DTNB: variants seen among roughly 807,000 people sequenced by gnomAD.
The protein encoded by DTNB is DTN-B.
In DTNB, 63 loss-of-function variants were observed where a neutral mutation model predicts 90.7. That is an observed-to-expected ratio of 0.69 (90% CI 0.57 to 0.86). The LOEUF (loss-of-function observed/expected upper bound fraction) is 0.86, where lower values mean the gene tolerates loss of function less well. Among genes scored for constraint, DTNB ranks in the 40% least tolerant of loss-of-function variants. DTNB has a pLI of 0.00. For synonymous variants in DTNB, 277 were observed against 286.7 expected, an observed-to-expected ratio of 0.97 and a Z score of 0.34; for missense variants, 744 against 807.1, an observed-to-expected ratio of 0.92 and a Z score of 0.95.
intron 7 of DTNB, among the ~76,000 whole-genome samples, chr2:25,578,878 A>C (rs561507489): frequency 5.9e-5 from 9 of 152,288 alleles, no homozygotes; most frequent in South Asian, 2.1e-4. Flanking sequence ...CCAAAAAAAA[A>C]CCATAAATAC....
At chr2:25,611,253 A>C (rs2068544923) in intron 4 of DTNB, among the ~76,000 whole-genome samples, 1 of 152,232 alleles carries the variant, frequency 6.6e-6, no homozygotes, top group South Asian at 2.1e-4. Flanking sequence ...TCTATATTTT[A>C]AACTATTCGA....
chr2:25,570,910 T>A (rs750073672), intron 8 of DTNB, among the ~76,000 whole-genome samples: 1 of 152,194 alleles, frequency 6.6e-6, no homozygotes, highest in Non-Finnish European at 1.5e-5. Flanking sequence ...CAGACTTCTC[T>A]CTTAAACTCT....
At chr2:25,460,739 A>G (rs908816351) in intron 10 of DTNB, among the ~76,000 whole-genome samples, 1 of 152,170 alleles carries the variant, frequency 6.6e-6, no homozygotes, top group Non-Finnish European at 1.5e-5. Flanking sequence ...TTTTGGCAAA[A>G]TAACAGGAGG....
intron 16 of DTNB, among the ~76,000 whole-genome samples, chr2:25,401,351 C>T (rs548624771): frequency 1.3e-5 from 2 of 152,342 alleles, no homozygotes; most frequent in Admixed American, 1.3e-4. Context: ...AAAACAATCT[C>T]TTGTTGGAGC....
intron 1 of DTNB, among the ~76,000 whole-genome samples, chr2:25,660,952 A>C (rs2083062711): frequency 6.6e-6 from 1 of 152,232 alleles, no homozygotes; most frequent in Admixed American, 6.5e-5. Context: ...CAATCTCTCC[A>C]ACACTAGATC....
At chr2:25,534,044 A>G (rs980049575) in intron 8 of DTNB, among the ~76,000 whole-genome samples, 3 of 149,016 alleles carry the variant, frequency 2.0e-5, no homozygotes, top group Non-Finnish European at 3.0e-5. Flanking sequence ...GGTGTTTCTC[A>G]GAGAGGGGGA....
intron 10 of DTNB, among the ~76,000 whole-genome samples, chr2:25,461,538 T>C (rs1033229110): frequency 6.6e-6 from 1 of 152,214 alleles, no homozygotes; most frequent in Non-Finnish European, 1.5e-5. Flanking sequence ...ACAATTCAGA[T>C]TTTTTTCCTA....
intron 9 of DTNB, among the ~76,000 whole-genome samples, chr2:25,509,725 G>T (rs1181357799): frequency 7.0e-6 from 1 of 143,112 alleles, no homozygotes; most frequent in Admixed American, 6.9e-5. Flanking sequence ...ATGTGTGTAG[G>T]TATGAATTTT....
At chr2:25,467,492 T>C (rs2062017014) in intron 10 of DTNB, among the ~76,000 whole-genome samples, 1 of 151,950 alleles carries the variant, frequency 6.6e-6, no homozygotes, top group Admixed American at 6.6e-5. Context: ...TTTGTAAATA[T>C]GTGGTCTTGC....
chr2:25,448,221 C>T (rs1183094731), intron 12 of DTNB, among the ~76,000 whole-genome samples: 1 of 152,166 alleles, frequency 6.6e-6, no homozygotes, highest in Non-Finnish European at 1.5e-5. Context: ...TAATGTTTGT[C>T]TCTGTCACTA....
chr2:25,393,701 C>A (rs193075691), intron 16 of DTNB, among the ~76,000 whole-genome samples: 1 of 151,974 alleles, frequency 6.6e-6, no homozygotes, highest in East Asian at 1.9e-4. Context: ...ATATGAAAGA[C>A]CTCTATAAGG....
At chr2:25,498,029 T>C (rs2069398779) in intron 9 of DTNB, among the ~76,000 whole-genome samples, 2 of 152,116 alleles carry the variant, frequency 1.3e-5, no homozygotes, top group Non-Finnish European at 2.9e-5. Flanking sequence ...ACAAAACTCT[T>C]TGTCTGTGCA....
At chr2:25,391,910 C>T (rs569017726) in intron 16 of DTNB, among the ~76,000 whole-genome samples, 15 of 152,100 alleles carry the variant, frequency 9.9e-5, no homozygotes, top group African/African-American at 2.9e-4. Context: ...CTTTGGGATA[C>T]GGAAAAAGTG....
At position 25,388,255 on chromosome 2, in the gene DTNB, G is replaced by A. The variant is rs764358672; in HGVS notation, c.1682C>T (p.Pro561Leu). The A allele has an allele frequency of 2.1e-5, 34 of 1,607,904 alleles. No homozygotes were observed. Among genetic ancestry groups the A allele is most frequent in the South Asian group, 1.9e-4 (17 of 89,812 alleles). Reference protein sequence around the residue: ...TSAGSTPTHCPQDSLSGVGGD... With the variant: ...TSAGSTPTHCLQDSLSGVGGD... ...CCCGACTCCGCTCAGCGAGTCCTGC[G>A]GACAGTGGGTGGGGGTGGAGCCGGC... Residue 561 changes from proline (P) to leucine (L), a missense_variant, in exon 17 of 21, where the codon CCG becomes CTG. Coordinates refer to ENST00000406818, the MANE Select transcript of DTNB (RefSeq NM_021907.5).
At chr2:25,504,181 T>C (rs1341422706) in intron 9 of DTNB, among the ~76,000 whole-genome samples, 1 of 151,890 alleles carries the variant, frequency 6.6e-6, no homozygotes, top group African/African-American at 2.4e-5. Context: ...AGCACAAGAA[T>C]TGCTTGAACC....
chr2:25,566,761 G>A (rs904920667), intron 8 of DTNB, among the ~76,000 whole-genome samples: 7 of 152,206 alleles, frequency 4.6e-5, no homozygotes, highest in African/African-American at 7.2e-5. Context: ...GGGAAGTGGC[G>A]TTCTTCCAGG....
chr2:25,525,208 A>G (rs1235633959), intron 9 of DTNB, among the ~76,000 whole-genome samples: 1 of 152,252 alleles, frequency 6.6e-6, no homozygotes, highest in African/African-American at 2.4e-5. Flanking sequence ...ATAAATATCT[A>G]ATAAAAGTAG....
chr2:25,506,571 C>T (rs1004698483), intron 9 of DTNB, among the ~76,000 whole-genome samples: 17 of 152,064 alleles, frequency 1.1e-4, no homozygotes, highest in African/African-American at 4.1e-4. Context: ...CTCTATGTGT[C>T]CATGTGTTCT....
At chr2:25,635,780 AAG>A (rs759755806) in intron 3 of DTNB, among the ~76,000 whole-genome samples, 2 of 152,230 alleles carry the variant, frequency 1.3e-5, no homozygotes, top group Non-Finnish European at 2.9e-5. Flanking sequence ...TTAAAAAGAC[AAG>A]ACTGTCCCAG....
Sources: allele counts gnomAD v4.1 joint callset (sites outside exome capture counted in the v4.1 genomes callset), GRCh38; gene constraint gnomAD v4.1.1; transcripts MANE v1.5; gene names NCBI Gene and HGNC (gene_info 2026-07-23, HGNC 2026-07-21).